PAG1: variants seen among roughly 807,000 people sequenced by gnomAD.
PAG1 encodes the protein phosphoprotein membrane anchor with glycosphingolipid microdomains 1.
In PAG1, 23 loss-of-function variants were observed where a neutral mutation model predicts 31.7. The ratio of observed to expected loss-of-function variants is 0.73; its 90% confidence interval spans 0.52 to 1.03. PAG1 has a LOEUF of 1.03. Ranked by LOEUF, PAG1 falls within the 50% of genes least tolerant of loss-of-function variation. The pLI, the probability that PAG1 is intolerant of heterozygous loss-of-function variation, is 0.00. For synonymous variants in PAG1, 214 were observed against 210.3 expected (o/e 1.02, Z -0.15); for missense variants, 473 against 540.7 (o/e 0.87, Z 1.24).
At chr8:80,986,259 T>C (rs1807418039) in intron 6 of PAG1, among the ~76,000 whole-genome samples, 1 of 152,192 alleles carries the variant, frequency 6.6e-6, no homozygotes. Context: ...CCCCTGTGTG[T>C]TCTAAATCCC....
At chr8:81,061,566 A>C (rs972060409) in intron 2 of PAG1, among the ~76,000 whole-genome samples, 5 of 152,214 alleles carry the variant, frequency 3.3e-5, no homozygotes, top group Admixed American at 3.3e-4. Context: ...AATGCTCTCA[A>C]GGTCAGGCAC....
intron 3 of PAG1, among the ~76,000 whole-genome samples, chr8:81,021,737 GT>G (rs2130738773): frequency 6.6e-6 from 1 of 152,142 alleles, no homozygotes; most frequent in Admixed American, 6.6e-5. Flanking sequence ...TTAAAGGAAG[GT>G]TAGGTTAAAA....
chr8:81,047,258 G>C (rs1216723557), intron 2 of PAG1, among the ~76,000 whole-genome samples: 1 of 152,196 alleles, frequency 6.6e-6, no homozygotes, highest in Non-Finnish European at 1.5e-5. Flanking sequence ...AGGTCTTTGA[G>C]GGATCAACAC....
At chr8:81,082,857 C>G (rs1809291451) in intron 1 of PAG1, among the ~76,000 whole-genome samples, 1 of 151,832 alleles carries the variant, frequency 6.6e-6, no homozygotes, top group Non-Finnish European at 1.5e-5. Context: ...TTTTAAAATC[C>G]TTAGCAGACA....
intron 2 of PAG1, among the ~76,000 whole-genome samples, chr8:81,050,088 C>T (rs1324948220): frequency 6.6e-6 from 1 of 152,016 alleles, no homozygotes; most frequent in Non-Finnish European, 1.5e-5. Flanking sequence ...AATATTTTTC[C>T]TATAAAAACA....
intron 1 of PAG1, among the ~76,000 whole-genome samples, chr8:81,092,189 C>CAAAAA (rs58417714): frequency 9.8e-5 from 7 of 71,390 alleles, no homozygotes; most frequent in Non-Finnish European, 1.8e-4. Flanking sequence ...CACATCTCTG[C>CAAAAA]AAAAAAAAAA....
chr8:81,048,904 G>T (rs981355175), intron 2 of PAG1, among the ~76,000 whole-genome samples: 5 of 152,100 alleles, frequency 3.3e-5, no homozygotes, highest in Non-Finnish European at 7.4e-5. Context: ...ACTCAAATGG[G>T]TTCAATCATT....
chr8:81,018,071 A>T (rs913697649), intron 3 of PAG1, among the ~76,000 whole-genome samples: 1 of 152,240 alleles, frequency 6.6e-6, no homozygotes, highest in African/African-American at 2.4e-5. Flanking sequence ...AAATTAAGAA[A>T]CAATGATCAG....
At chr8:81,047,297 TA>T (rs898387446) in intron 2 of PAG1, among the ~76,000 whole-genome samples, 4 of 152,250 alleles carry the variant, frequency 2.6e-5, no homozygotes, top group Non-Finnish European at 5.9e-5. Context: ...TGAACTAATT[TA>T]CCATCCCACC....
chr8:81,087,743 T>G (rs1002076871), intron 1 of PAG1, among the ~76,000 whole-genome samples: 5 of 152,208 alleles, frequency 3.3e-5, no homozygotes, highest in African/African-American at 1.2e-4. Context: ...CGCATGCATG[T>G]GGCTCTGTGG....
intron 2 of PAG1, among the ~76,000 whole-genome samples, chr8:81,044,168 C>A (rs1310959125): frequency 1.3e-5 from 2 of 152,162 alleles, no homozygotes; most frequent in Non-Finnish European, 2.9e-5. Flanking sequence ...TGCCTGGGGG[C>A]AGTAATGGGT....
rs779435423 is a variant in PAG1 at position 80,984,926 on chromosome 8, T to A, written c.726A>T (p.Val242=). The A allele has an allele frequency of 6.2e-7, 1 of 1,614,190 alleles. No homozygotes were observed. Among genetic ancestry groups the A allele is most frequent in the South Asian group, 1.1e-5 (1 of 91,086 alleles). The part of the protein sequence containing the change: ...RNKKCRQSVN[V]ESILGNSCDP... ...CACATGAATTTCCAAGGATACTCTC[T>A]ACATTAACACTTTGACGACATTTTT... The change falls in exon 7 of 9, where the codon GTA becomes GTT. Residue 242 remains valine, a synonymous_variant. Transcript: ENST00000220597.
chr8:81,012,969 C>T lies in PAG1; in HGVS notation c.-81+17027G>A, dbSNP rs559952221. The stretch of plus-strand genomic sequence containing the variant: ...AAATAGCAAGCAAGAATTTTGCCTA[C>T]CCATGTCCGTCAACTCACATCCACA... On this transcript the variant is annotated intron_variant, in intron 3 of 8. Transcript: ENST00000220597. Among the ~76,000 whole-genome samples the T allele has an allele frequency of 7.2e-5, 11 of 152,316 alleles. No homozygotes were observed. In the South Asian group the frequency reaches 2.1e-3, roughly 29 times the overall value.
At chr8:81,054,338 G>A (rs900138962) in intron 2 of PAG1, among the ~76,000 whole-genome samples, 1 of 152,152 alleles carries the variant, frequency 6.6e-6, no homozygotes, top group Non-Finnish European at 1.5e-5. Flanking sequence ...AGGCTCAGAT[G>A]CCTTGACTGC....
At chr8:81,073,615 T>C (rs1453869548) in intron 1 of PAG1, among the ~76,000 whole-genome samples, 1 of 152,188 alleles carries the variant, frequency 6.6e-6, no homozygotes, top group Non-Finnish European at 1.5e-5. Flanking sequence ...CAATCACATC[T>C]CCCATGCTAG....
chr8:81,005,982 G>A lies in PAG1; in HGVS notation c.-80-12675C>T, dbSNP rs57817077. The stretch of plus-strand genomic sequence containing the variant: ...TTTTGAGACGGAGTCTTGCTCTGTC[G>A]CCCAGGCTGGAGTGCAGTGGCGCGA... On this transcript the variant is annotated intron_variant, in intron 3 of 8. Coordinates refer to ENST00000220597, the MANE Select transcript of PAG1 (RefSeq NM_018440.4). 4.5e-3 allele frequency among the ~76,000 whole-genome samples: 691 copies of A among 152,044 alleles called. 7 individuals are homozygous for A. The highest frequency in any genetic ancestry group is 0.015 in the African/African-American group (640 of 41,488).
At chr8:81,002,150 G>T (rs1036121789) in intron 3 of PAG1, among the ~76,000 whole-genome samples, 1 of 152,010 alleles carries the variant, frequency 6.6e-6, no homozygotes, top group East Asian at 1.9e-4. Context: ...TTGCAGTCAC[G>T]CTCTGTTAAG....
In PAG1 at chr8:80,998,731, G is replaced by A. The variant is rs531218092; in HGVS notation, c.-80-5424C>T. On this transcript the variant is annotated intron_variant, in intron 3 of 8. Transcript: ENST00000220597. ...AATAATAATTTGGTAGAGATGGGAT[G>A]GCCAGTGAGATTAGATATGGAAACA... 8.5e-5 allele frequency among the ~76,000 whole-genome samples: 13 copies of A among 152,342 alleles called. No individual in the cohort carries two copies. The South Asian group carries it at 2.1e-3, about 24-fold the overall frequency.
At chr8:81,069,808 A>C (rs1387105545) in intron 2 of PAG1, among the ~76,000 whole-genome samples, 1 of 152,232 alleles carries the variant, frequency 6.6e-6, no homozygotes, top group Non-Finnish European at 1.5e-5. Context: ...ATTTAGCCCA[A>C]CTTCACAGAG....
Sources: gnomAD v4.1 joint callset for allele counts (sites outside exome capture counted in the v4.1 genomes callset) on GRCh38, gnomAD v4.1.1 for gene constraint, MANE v1.5 for transcripts, NCBI Gene and HGNC (gene_info 2026-07-23, HGNC 2026-07-21) for gene names.